KCNAB1: variants seen among roughly 807,000 people sequenced by gnomAD.
The protein encoded by KCNAB1 is potassium voltage-gated channel subfamily A regulatory beta subunit 1.
A neutral mutation model predicts 64.6 loss-of-function variants in KCNAB1; 35 were observed. The observed-to-expected ratio is 0.54, with a 90% CI of 0.41 to 0.72. The LOEUF is 0.72. KCNAB1 is among the 30% of genes least tolerant of loss of function. The pLI is 0.00. For synonymous variants in KCNAB1, 177 were observed against 183.8 expected, an observed-to-expected ratio of 0.96 and a Z score of 0.30; for missense variants, 401 against 512.9, an observed-to-expected ratio of 0.78 and a Z score of 2.11.
At chr3:156,437,706 A>G (rs929208407) in intron 2 of KCNAB1, among the ~76,000 whole-genome samples, 3 of 152,206 alleles carry the variant, frequency 2.0e-5, no homozygotes, top group African/African-American at 7.2e-5. Flanking sequence ...GAAGGTTAGT[A>G]GTACTAATAA....
At chr3:156,362,693 A>T (rs114442136) in intron 1 of KCNAB1, among the ~76,000 whole-genome samples, 2,030 of 152,278 alleles carry the variant, frequency 0.013, 17 homozygotes, top group South Asian at 0.031. Flanking sequence ...TATTGCTATT[A>T]TAGTTATCTT....
At chr3:156,217,819 A>G (rs1007705477) in intron 1 of KCNAB1, among the ~76,000 whole-genome samples, 1 of 152,228 alleles carries the variant, frequency 6.6e-6, no homozygotes, top group African/African-American at 2.4e-5. Context: ...GTTACCTGGA[A>G]CAGGTAACGC....
At chr3:156,268,408 A>G (rs1266937834) in intron 1 of KCNAB1, among the ~76,000 whole-genome samples, 1 of 152,208 alleles carries the variant, frequency 6.6e-6, no homozygotes, top group African/African-American at 2.4e-5. Flanking sequence ...TTGCTGGATC[A>G]TATAGTAGCT....
chr3:156,444,794 T>C (rs1054403343), intron 2 of KCNAB1, among the ~76,000 whole-genome samples: 3 of 152,240 alleles, frequency 2.0e-5, no homozygotes, highest in Admixed American at 6.5e-5. Flanking sequence ...TTAAGGTAAC[T>C]ATGTAGCTTC....
At chr3:156,301,575 G>A (rs1225569536) in intron 1 of KCNAB1, among the ~76,000 whole-genome samples, 1 of 152,170 alleles carries the variant, frequency 6.6e-6, no homozygotes, top group Non-Finnish European at 1.5e-5. Flanking sequence ...CAAATAGAAA[G>A]GAGTTGGGAA....
intron 5 of KCNAB1, among the ~76,000 whole-genome samples, chr3:156,460,752 T>C (rs1029665261): frequency 6.6e-6 from 1 of 152,224 alleles, no homozygotes; most frequent in Non-Finnish European, 1.5e-5. Context: ...AAATTTAGTC[T>C]AGAGAAAATG....
chr3:156,536,462 A>C, intron 13 of KCNAB1, 196 bp from the exon 14 acceptor site: 2 of 556,934 alleles, frequency 3.6e-6, no homozygotes, highest in South Asian at 4.6e-5. Flanking sequence ...TTATGCCTTC[A>C]TTTATGCAGT....
chr3:156,216,700 C>G (rs1161020133), intron 1 of KCNAB1, among the ~76,000 whole-genome samples: 2 of 152,206 alleles, frequency 1.3e-5, no homozygotes, highest in Non-Finnish European at 2.9e-5. Context: ...GTGCCAGACA[C>G]TGGGCTTTTA....
intron 1 of KCNAB1, among the ~76,000 whole-genome samples, chr3:156,183,037 T>C (rs530069935): frequency 8.5e-5 from 13 of 152,298 alleles, no homozygotes; most frequent in Middle Eastern, 3.4e-3. Context: ...TTCTAGCCTT[T>C]AATATATTTT....
intron 1 of KCNAB1, among the ~76,000 whole-genome samples, chr3:156,190,037 G>A (rs1713461265): frequency 6.6e-6 from 1 of 152,140 alleles, no homozygotes; most frequent in Admixed American, 6.5e-5. Context: ...ATTTGTACAA[G>A]TATACAAAAG....
At chr3:156,401,714 C>A (rs1713903532) in intron 1 of KCNAB1, among the ~76,000 whole-genome samples, 1 of 152,162 alleles carries the variant, frequency 6.6e-6, no homozygotes, top group African/African-American at 2.4e-5. Flanking sequence ...GCAACAAAGG[C>A]CTGCAGCCAA....
intron 1 of KCNAB1, among the ~76,000 whole-genome samples, chr3:156,170,678 G>T (rs1039195471): frequency 6.6e-6 from 1 of 152,054 alleles, no homozygotes; most frequent in African/African-American, 2.4e-5. Context: ...GCCTCTCCTT[G>T]GTTTCCAACA....
At chr3:156,338,406 G>A (rs1723880410) in intron 1 of KCNAB1, among the ~76,000 whole-genome samples, 1 of 139,392 alleles carries the variant, frequency 7.2e-6, no homozygotes, top group Non-Finnish European at 1.5e-5. Context: ...CGCCTCCCGG[G>A]TTCAAGCGAT....
intron 1 of KCNAB1, among the ~76,000 whole-genome samples, chr3:156,277,560 T>G (rs1719415349): frequency 6.6e-6 from 1 of 152,184 alleles, no homozygotes; most frequent in South Asian, 2.1e-4. Flanking sequence ...TCTGTGTTGT[T>G]GCAAATGGTG....
intron 1 of KCNAB1, among the ~76,000 whole-genome samples, chr3:156,228,128 T>C (rs1260924918): frequency 6.6e-6 from 1 of 152,176 alleles, no homozygotes; most frequent in African/African-American, 2.4e-5. Flanking sequence ...TCCATTCCTC[T>C]GTTCATTCAT....
At chr3:156,518,974 C>A (rs1389336780) in intron 11 of KCNAB1, among the ~76,000 whole-genome samples, 1 of 152,214 alleles carries the variant, frequency 6.6e-6, no homozygotes, top group Non-Finnish European at 1.5e-5. Context: ...CTGGTTGTCT[C>A]AGTCAGAAGC....
chr3:156,519,450 T>G (rs1350535275), intron 11 of KCNAB1, among the ~76,000 whole-genome samples: 1 of 152,216 alleles, frequency 6.6e-6, no homozygotes, highest in Non-Finnish European at 1.5e-5. Context: ...GTGGAATCCC[T>G]TCTTATTGCT....
chr3:156,131,727 A>C (rs946461875), intron 1 of KCNAB1, among the ~76,000 whole-genome samples: 2 of 152,234 alleles, frequency 1.3e-5, no homozygotes, highest in African/African-American at 4.8e-5. Flanking sequence ...CCTGGACAGC[A>C]CAGTGAGACC....
At chr3:156,143,553 C>A in intron 1 of KCNAB1, 1 of 418,978 alleles carries the variant, frequency 2.4e-6, no homozygotes, top group Non-Finnish European at 4.0e-6. Context: ...GAGCCCTCTT[C>A]TTGGGTTGCA....
Sources: allele counts gnomAD v4.1 joint callset (sites outside exome capture counted in the v4.1 genomes callset), GRCh38; gene constraint gnomAD v4.1.1; transcripts MANE v1.5; gene names NCBI Gene and HGNC (gene_info 2026-07-23, HGNC 2026-07-21).